TRRAP: variants seen among roughly 807,000 people sequenced by gnomAD.
TRRAP encodes the protein transformation/transcription domain associated protein.
A neutral mutation model predicts 438.8 loss-of-function variants in TRRAP; 41 were observed. The ratio of observed to expected loss-of-function variants is 0.09; its 90% CI spans 0.07 to 0.12. The LOEUF is 0.12. Ranked by LOEUF, TRRAP falls within the 10% of genes least tolerant of loss-of-function variation. The pLI, the probability that TRRAP is intolerant of heterozygous loss-of-function variation, is 1.00. For synonymous variants in TRRAP, 1,994 were observed against 1,962.9 expected, an observed-to-expected ratio of 1.02 and a Z score of -0.42; for missense variants, 3,122 against 5,055.1, an observed-to-expected ratio of 0.62 and a Z score of 11.60.
At chr7:98,934,016 T>A (rs1169979211) in intron 27 of TRRAP, among the ~76,000 whole-genome samples, 1 of 152,210 alleles carries the variant, frequency 6.6e-6, no homozygotes, top group African/African-American at 2.4e-5. Context: ...TTATTTTTTT[T>A]AGTGGACTTG....
rs527923967 is a variant in TRRAP, at chr7:98,918,585, C to T, written c.2622+906C>T. Among the ~76,000 whole-genome samples the T allele has an allele frequency of 4.6e-5, 7 of 152,032 alleles. No homozygotes were observed. The East Asian group carries it at 5.8e-4, about 13-fold the overall frequency. On this transcript the variant is annotated intron_variant, in intron 20 of 72. Coordinates refer to ENST00000456197, the MANE Select transcript of TRRAP (RefSeq NM_001375524.1). ...TAAGGCAGGTGTTATGGTTACTATA[C>T]GGCCACCATTGCTTCCAGTGAGAAC...
rs1196134947 is a variant in TRRAP at position 98,881,092 on chromosome 7, T to C, written c.-59T>C. On this transcript the variant is annotated splice_region_variant and 5_prime_UTR_variant, in exon 2 of 73. Transcript: ENST00000456197. ...TAACTCTATGCTTCTTTTCATAGGCTGGTTGAACTCATGGACCTGATACTT... is the reference window on the plus strand; with the variant it reads ...TAACTCTATGCTTCTTTTCATAGGCCGGTTGAACTCATGGACCTGATACTT... The C allele has an allele frequency of 7.0e-7, 1 of 1,427,162 alleles. No homozygotes were observed. Among genetic ancestry groups the C allele is most frequent in the African/African-American group, 1.4e-5 (1 of 69,764 alleles). 88.4% of individuals were successfully genotyped at this position (1,427,162 alleles called of 1,614,324 possible). A position where few individuals can be genotyped will look rare whatever the true frequency, so the allele number is the denominator to read the frequency against.
chr7:98,949,812 G>C lies in TRRAP; in HGVS notation c.5106G>C (p.Leu1702=), dbSNP rs547329188. The stretch of plus-strand genomic sequence containing the variant: ...CCACCAACTGGAAGGAGCCCAAGCT[G>C]CTGGCCTACTGCCTGCTGAACTACT... The part of the protein sequence containing the change: ...MAATNWKEPK[L]LAYCLLNYCK... The change falls in exon 37 of 73, where the codon CTG becomes CTC. Residue 1702 remains leucine (L), a synonymous_variant. Coordinates refer to ENST00000456197, the MANE Select transcript of TRRAP (RefSeq NM_001375524.1). 6.2e-7 allele frequency: 1 copy of C among 1,613,698 alleles called. No individual in the cohort carries two copies. Among genetic ancestry groups the C allele is most frequent in the East Asian group, 2.2e-5 (1 of 44,888 alleles).
chr7:98,970,322 C>T (rs1792354151), intron 52 of TRRAP, 31 bp downstream of exon 52: 6 of 1,604,216 alleles, frequency 3.7e-6, no homozygotes, highest in Non-Finnish European at 5.1e-6. Context: ...GGCAGAATCC[C>T]AGAGAGGAGG....
chr7:98,915,604 G>A, intron 18 of TRRAP, 119 bp from the exon 19 acceptor site: 1 of 1,277,656 alleles, frequency 7.8e-7, no homozygotes, highest in East Asian at 2.4e-5. Flanking sequence ...TTTCCCTTTG[G>A]AGTAAACACA....
rs201945913 is a variant in TRRAP, at chr7:98,956,190, C to T, written c.5982C>T (p.Ser1994=). The T allele has an allele frequency of 1.5e-5, 24 of 1,612,974 alleles. No individual in the cohort carries two copies. Among genetic ancestry groups the T allele is most frequent in the East Asian group, 8.9e-5 (4 of 44,872 alleles). ...VRHHLVQHMV[S]AMQRLGFTPS... Reference sequence around the variant, plus strand: ...ACCACTTGGTGCAGCACATGGTGAGCGCCATGCAGAGGCTGGGCTTCACGC... The same window carrying T: ...ACCACTTGGTGCAGCACATGGTGAGTGCCATGCAGAGGCTGGGCTTCACGC... The change falls in exon 42 of 73, where the codon AGC becomes AGT. Residue 1994 remains serine (S), a synonymous_variant. Transcript: ENST00000456197. The surrounding 1 kb of genome is among the most constrained non-coding windows in gnomAD (Gnocchi z 4.5).
chr7:98,891,166 C>T (rs2116296297), intron 4 of TRRAP, among the ~76,000 whole-genome samples: 1 of 147,374 alleles, frequency 6.8e-6, no homozygotes, highest in East Asian at 2.0e-4. Context: ...TTCATACCTC[C>T]CTACCTTGAT....
Position 99,008,750 on chromosome 7 carries a change from A to G in TRRAP, c.10938+189A>G, listed in dbSNP as rs527812540. 3.3e-5 allele frequency among the ~76,000 whole-genome samples: 5 copies of G among 152,328 alleles called. No homozygotes were observed. The East Asian group carries it at 9.7e-4, about 29-fold the overall frequency. Reference sequence around the variant, plus strand: ...CAGCTATTGACCTTGGTGAGAGGACACTTGTCGTGGACGGTTTGTTATGAC... The same window carrying G: ...CAGCTATTGACCTTGGTGAGAGGACGCTTGTCGTGGACGGTTTGTTATGAC... On this transcript the variant is annotated intron_variant, in intron 70 of 72. Coordinates refer to ENST00000456197, the MANE Select transcript of TRRAP (RefSeq NM_001375524.1).
intron 19 of TRRAP, among the ~76,000 whole-genome samples, chr7:98,916,432 T>C (rs894804316): frequency 6.6e-6 from 1 of 152,204 alleles, no homozygotes; most frequent in South Asian, 2.1e-4. Flanking sequence ...GGGTGTGTGC[T>C]GATTGGAAAC....
chr7:98,933,517 G>T, intron 27 of TRRAP, 115 bp downstream of exon 27: 1 of 1,408,566 alleles, frequency 7.1e-7, no homozygotes, highest in African/African-American at 1.4e-5. Context: ...GCGGGGACCT[G>T]CAGGTAACCC....
intron 1 of TRRAP, among the ~76,000 whole-genome samples, chr7:98,880,103 C>T (rs1238585915): frequency 1.3e-5 from 2 of 152,040 alleles, no homozygotes; most frequent in South Asian, 2.1e-4. Flanking sequence ...TTTATAGTTT[C>T]CCGTGCCCGT....
chr7:98,987,907 G>A (rs1793222291), intron 62 of TRRAP, among the ~76,000 whole-genome samples: 1 of 152,064 alleles, frequency 6.6e-6, no homozygotes, highest in Non-Finnish European at 1.5e-5. Flanking sequence ...TTTTTCAAAT[G>A]GCTTTTTCTG....
chr7:98,969,805 T>G (rs1792328553), intron 51 of TRRAP, among the ~76,000 whole-genome samples: 1 of 152,038 alleles, frequency 6.6e-6, no homozygotes, highest in Non-Finnish European at 1.5e-5. Context: ...AGGACGAGTC[T>G]GGGGGTGAGG....
intron 51 of TRRAP, 73 bp downstream of exon 51, chr7:98,967,771 A>T (rs1792222478): frequency 7.4e-7 from 1 of 1,348,548 alleles, no homozygotes; most frequent in Non-Finnish European, 1.0e-6. Flanking sequence ...CAAAGCCAGG[A>T]GGTGTTCACA....
At chr7:98,900,772 A>G in intron 11 of TRRAP, 52 bp downstream of exon 11, 1 of 1,500,936 alleles carries the variant, frequency 6.7e-7, no homozygotes, top group Non-Finnish European at 9.1e-7. Context: ...TACATACAAT[A>G]AAATTCACCT....
intron 67 of TRRAP, among the ~76,000 whole-genome samples, chr7:99,002,203 C>G (rs754510119): frequency 3.9e-5 from 6 of 152,310 alleles, no homozygotes; most frequent in Non-Finnish European, 8.8e-5. Context: ...AGCTCAGCAA[C>G]TGATTGTGCT....
In TRRAP at chr7:98,927,403, C is replaced by G. The variant is rs377662094; in HGVS notation, c.3175+37C>G. 28 of 1,605,910 alleles carry G rather than the reference C, an allele frequency of 1.7e-5. No individual in the cohort carries two copies. In the African/African-American group the frequency reaches 2.8e-4, roughly 16 times the overall value. Reference sequence around the variant, plus strand: ...GGCACGGTGGGGCACGGGATTGGTTCTTTGACTTTTATAGGTGCTTTAAAA... The same window carrying G: ...GGCACGGTGGGGCACGGGATTGGTTGTTTGACTTTTATAGGTGCTTTAAAA... On this transcript the variant is annotated intron_variant, in intron 23 of 72. Transcript: ENST00000456197.
chr7:98,907,046 A>G (rs1476656), intron 13 of TRRAP, among the ~76,000 whole-genome samples: 106,881 of 151,514 alleles, frequency 0.71, 42,081 homozygotes, highest in South Asian at 0.88. Flanking sequence ...AGTTGTGGCC[A>G]GGCACGGTGG....
At chr7:98,988,077 G>A (rs999115690) in intron 62 of TRRAP, among the ~76,000 whole-genome samples, 4 of 152,236 alleles carry the variant, frequency 2.6e-5, no homozygotes, top group African/African-American at 4.8e-5. Flanking sequence ...CTTTTAATCC[G>A]CTGCTGGAGT....
Sources: gnomAD v4.1 joint callset for allele counts (sites outside exome capture counted in the v4.1 genomes callset) on GRCh38, gnomAD v4.1.1 for gene constraint, Gnocchi (gnomAD v3.1) non-coding constraint, MANE v1.5 for transcripts, NCBI Gene and HGNC (gene_info 2026-07-23, HGNC 2026-07-21) for gene names.